Variants in UNC13C observed in about 807,000 individuals in gnomAD.
UNC13C encodes unc-13 homolog C, also known as protein unc-13 homolog C.
Under a neutral mutation model 245.4 loss-of-function variants are expected in UNC13C, and 174 were observed. That is an observed-to-expected ratio of 0.71 (90% CI 0.63 to 0.80). UNC13C has a LOEUF of 0.80. Ranked by LOEUF, UNC13C falls within the 30% of genes least tolerant of loss-of-function variation. UNC13C has a pLI of 0.00. For missense variants in UNC13C, 2,829 were observed against 2,602.9 expected (o/e 1.09, Z -1.89); for synonymous variants, 992 against 895.1 (o/e 1.11, Z -1.93).
rs1286013369 is a variant in UNC13C at position 54,111,864 on chromosome 15, A to G, written c.2984-31154A>G. Among the ~76,000 whole-genome samples, 7 of 152,186 alleles carry G rather than the reference A, an allele frequency of 4.6e-5. 1 individual carries two copies. The highest frequency in any genetic ancestry group is 3.9e-4 in the Admixed American group (6 of 15,282). On this transcript the variant is annotated intron_variant, in intron 2 of 32. Coordinates refer to ENST00000260323, the MANE Select transcript of UNC13C (RefSeq NM_001080534.3). Reference sequence around the variant, plus strand: ...TTCCCCAAAAGGTGGGGGAAGAATCATCAACCTTTCAAAGTTGGCATGCAA... The same window carrying G: ...TTCCCCAAAAGGTGGGGGAAGAATCGTCAACCTTTCAAAGTTGGCATGCAA...
intron 30 of UNC13C, among the ~76,000 whole-genome samples, chr15:54,577,511 A>G (rs1367339274): frequency 6.6e-6 from 1 of 152,118 alleles, no homozygotes; most frequent in Non-Finnish European, 1.5e-5. Flanking sequence ...CTGTTTCCCA[A>G]GTGGTTCAGA....
intron 4 of UNC13C, among the ~76,000 whole-genome samples, chr15:54,156,446 C>T (rs952278231): frequency 1.8e-4 from 28 of 152,314 alleles, no homozygotes; most frequent in African/African-American, 6.7e-4. Flanking sequence ...ATAATCTTCA[C>T]ATATAAAGAC....
intron 10 of UNC13C, among the ~76,000 whole-genome samples, chr15:54,267,246 G>A (rs573916129): frequency 1.3e-4 from 19 of 144,668 alleles, no homozygotes; most frequent in African/African-American, 2.6e-4. Flanking sequence ...TGTTTATTCC[G>A]AATTAATTTA....
intron 26 of UNC13C, among the ~76,000 whole-genome samples, chr15:54,543,162 G>C (rs7177288): frequency 0.23 from 35,610 of 151,976 alleles, 8,317 homozygotes; most frequent in African/African-American, 0.61. Context: ...ACATTTACTG[G>C]TTCCTTTGGG....
At chr15:54,462,354 A>G (rs942493876) in intron 19 of UNC13C, among the ~76,000 whole-genome samples, 5 of 152,226 alleles carry the variant, frequency 3.3e-5, no homozygotes, top group African/African-American at 7.2e-5. Flanking sequence ...CACTGTGGCC[A>G]TGCTTGAGGA....
chr15:54,608,796 C>G (rs899857605), intron 30 of UNC13C, among the ~76,000 whole-genome samples: 2 of 152,190 alleles, frequency 1.3e-5, no homozygotes, highest in Admixed American at 6.5e-5. Flanking sequence ...TCTCTTCTGA[C>G]AAATGTTATT....
chr15:54,422,284 C>T (rs759184664), intron 19 of UNC13C, among the ~76,000 whole-genome samples: 7 of 152,024 alleles, frequency 4.6e-5, no homozygotes, highest in Non-Finnish European at 8.8e-5. Flanking sequence ...CTACCTCCAA[C>T]TAGTTCTAGC....
chr15:54,184,522 G>T (rs988693441), intron 4 of UNC13C, among the ~76,000 whole-genome samples: 3 of 152,016 alleles, frequency 2.0e-5, no homozygotes, highest in Admixed American at 2.0e-4. Context: ...GCAGTGTTTG[G>T]TTTTTTGTCC....
intron 31 of UNC13C, 125 bp downstream of exon 31, chr15:54,622,544 T>G: frequency 2.9e-6 from 2 of 689,718 alleles, no homozygotes; most frequent in East Asian, 5.4e-5. Flanking sequence ...TGCACAAAAT[T>G]TCCTAATGAA....
the UNC13C span, among the ~76,000 whole-genome samples, chr15:53,960,503 A>C: frequency 1.3e-5 from 2 of 152,126 alleles, no homozygotes; most frequent in African/African-American, 4.8e-5. Context: ...TTTTGAAATA[A>C]GTTCAAGGAC....
intron 30 of UNC13C, among the ~76,000 whole-genome samples, chr15:54,590,848 A>C (rs1215989779): frequency 6.6e-6 from 1 of 152,164 alleles, no homozygotes; most frequent in Non-Finnish European, 1.5e-5. Flanking sequence ...GAGTGCTGAG[A>C]GTGGCCATCC....
Position 54,341,386 on chromosome 15 carries a change from A to G in UNC13C, c.4713+2897A>G, listed in dbSNP as rs79245954. On this transcript the variant is annotated intron_variant, in intron 17 of 32. Coordinates refer to ENST00000260323, the MANE Select transcript of UNC13C (RefSeq NM_001080534.3). ...AACTAAATACTGCATATTCTCACTTATAAGTGAGAGCTTATAAAGATGGGA... is the reference window on the plus strand; with the variant it reads ...AACTAAATACTGCATATTCTCACTTGTAAGTGAGAGCTTATAAAGATGGGA... 4.0e-3 allele frequency among the ~76,000 whole-genome samples: 615 copies of G among 152,294 alleles called. 27 individuals are homozygous for G. In the East Asian group the frequency reaches 0.087, roughly 22 times the overall value.
At chr15:54,413,360 A>G (rs2040451895) in intron 18 of UNC13C, among the ~76,000 whole-genome samples, 1 of 152,136 alleles carries the variant, frequency 6.6e-6, no homozygotes, top group Non-Finnish European at 1.5e-5. Context: ...TTATAAGCAT[A>G]AAGTACTCTT....
At chr15:53,934,552 C>G in the UNC13C span, among the ~76,000 whole-genome samples, 1 of 152,176 alleles carries the variant, frequency 6.6e-6, no homozygotes, top group African/African-American at 2.4e-5. Flanking sequence ...AGAGAGTCAG[C>G]TATTTCTAGA....
intron 4 of UNC13C, among the ~76,000 whole-genome samples, chr15:54,154,770 A>T (rs1038592324): frequency 9.2e-5 from 14 of 152,328 alleles, no homozygotes; most frequent in African/African-American, 2.4e-4. Context: ...AATTCATGTT[A>T]GAGGTCTTCA....
intron 19 of UNC13C, among the ~76,000 whole-genome samples, chr15:54,422,986 G>GA (rs11341922): frequency 1.5e-5 from 2 of 136,446 alleles, no homozygotes; most frequent in Non-Finnish European, 1.6e-5. Flanking sequence ...CACACACAAC[G>GA]AAAAAAAAAC....
At chr15:54,448,003 C>A (rs956696352) in intron 19 of UNC13C, among the ~76,000 whole-genome samples, 61 of 152,274 alleles carry the variant, frequency 4.0e-4, no homozygotes, top group Middle Eastern at 3.4e-3. Flanking sequence ...CAAAGAACAT[C>A]TTTATTTCTG....
intron 4 of UNC13C, among the ~76,000 whole-genome samples, chr15:54,185,929 A>T (rs4442754): frequency 0.091 from 13,614 of 148,894 alleles, 505 homozygotes; most frequent in African/African-American, 0.2. Context: ...ATTTGTTTGT[A>T]TCCTCTTTTA....
chr15:53,980,110 A>G (rs1386844926), intron 1 of UNC13C, among the ~76,000 whole-genome samples: 1 of 152,174 alleles, frequency 6.6e-6, no homozygotes, highest in African/African-American at 2.4e-5. Context: ...TTCAAATGCA[A>G]TAGAGGTAAG....
Sources: gnomAD v4.1 joint callset for allele counts (sites outside exome capture counted in the v4.1 genomes callset) on GRCh38, gnomAD v4.1.1 for gene constraint, MANE v1.5 for transcripts, NCBI Gene and HGNC (gene_info 2026-07-23, HGNC 2026-07-21) for gene names.